Variants in REXO1 observed in about 807,000 individuals in gnomAD.
REXO1 encodes the protein REX1, RNA exonuclease 1 homolog.
A neutral mutation model predicts 102.6 loss-of-function variants in REXO1; 42 were observed. The ratio of observed to expected loss-of-function variants is 0.41; its 90% CI spans 0.32 to 0.53. The LOEUF is 0.53. Ranked by LOEUF, REXO1 falls within the 20% of genes least tolerant of loss-of-function variation. The pLI is 0.27. For synonymous variants in REXO1, 908 were observed against 779.1 expected (o/e 1.17, Z -2.76); for missense variants, 1,819 against 1,732.5 (o/e 1.05, Z -0.89).
Position 1,828,504 on chromosome 19 carries a change from G to A in REXO1, c.285C>T (p.Ile95=), listed in dbSNP as rs139018051. ...GCTCCACCTCACTGCGCACGGCCTC[G>A]ATGGCCTGGTTGACCAGCTCCAACT... ...VLELELVNQA[I]EAVRSEVELE... is the part of the protein sequence containing the mutation. The change falls in exon 2 of 16, where the codon ATC becomes ATT. Residue 95 remains isoleucine (I), a synonymous_variant. Transcript: ENST00000170168. 44 of 1,604,870 alleles carry A rather than the reference G, an allele frequency of 2.7e-5. No individual in the cohort carries two copies. The highest frequency in any genetic ancestry group is 2.0e-4 in the African/African-American group (15 of 74,914).
chr19:1,848,134 G>C, intron 1 of REXO1, 68 bp downstream of exon 1: 1 of 777,124 alleles, frequency 1.3e-6, no homozygotes, highest in Non-Finnish European at 1.7e-6. Flanking sequence ...ACCCCGGGCG[G>C]GACCGGGGTG....
At chr19:1,831,854 AAAAAAAAAAAAAAGAAAG>A (rs1437039333) in intron 1 of REXO1, among the ~76,000 whole-genome samples, 24 of 97,182 alleles carry the variant, frequency 2.5e-4, no homozygotes, top group Non-Finnish European at 4.8e-4. Flanking sequence ...TCAAAAAAAA[AAAAAAAAAAAAAAGAAAG>A]AAAAAGAAAA....
At position 1,827,652 on chromosome 19, in the gene REXO1, T is replaced by A. The variant is rs772749928; in HGVS notation, c.1137A>T (p.Lys379Asn). ...GCPKEGKPKKKKTGAPPAPSC... is the reference protein window; with the variant it reads ...GCPKEGKPKKNKTGAPPAPSC... Reference sequence around the variant, plus strand: ...TGGGGGCAGGTGGGGCCCCGGTTTTTTTCTTCTTGGGTTTTCCCTCCTTGG... The same window carrying A: ...TGGGGGCAGGTGGGGCCCCGGTTTTATTCTTCTTGGGTTTTCCCTCCTTGG... The change falls in exon 2 of 16, where the codon AAA becomes AAT. Residue 379 changes from lysine to asparagine, a missense_variant. Physicochemically the swap from Lys to Asn is moderately conservative, Grantham distance 94 (BLOSUM62 0). Coordinates refer to ENST00000170168, the MANE Select transcript of REXO1 (RefSeq NM_020695.4). The A allele has an allele frequency of 1.3e-6, 2 of 1,569,168 alleles. No homozygotes were observed. Among genetic ancestry groups the A allele is most frequent in the Admixed American group, 4.2e-5 (2 of 47,240 alleles).
Position 1,816,216 on chromosome 19 carries a change from G to A in REXO1, c.3577+9C>T, listed in dbSNP as rs369050526. On this transcript the variant is annotated intron_variant, in intron 15 of 15. Transcript: ENST00000170168. ...CAGGGACGGCCCCAGGGCAGGCACCGGCACTCACCATTGTCCTGGATGATC... is the reference window on the plus strand; with the variant it reads ...CAGGGACGGCCCCAGGGCAGGCACCAGCACTCACCATTGTCCTGGATGATC... 84 of 1,577,930 alleles carry A rather than the reference G, an allele frequency of 5.3e-5. No homozygotes were observed. Among genetic ancestry groups the A allele is most frequent in the Non-Finnish European group, 6.7e-5 (78 of 1,161,576 alleles).
In REXO1 at chr19:1,821,636, G is replaced by C. The variant is rs1175164453; in HGVS notation, c.2277C>G (p.Ser759=). ...GGCCACCTGGCTCAGGGCCGTTGGA[G>C]GACTGGCTGCCGCTGGCCGCAAGGG... ...KRTLAASGSQ[S]SNGPEPGGQQ... The change falls in exon 5 of 16, where the codon TCC becomes TCG. Residue 759 remains serine (S), a synonymous_variant. Transcript: ENST00000170168. The C allele has an allele frequency of 6.2e-7, 1 of 1,613,466 alleles. No individual in the cohort carries two copies.
intron 2 of REXO1, 55 bp from the exon 3 acceptor site, chr19:1,825,998 A>C: frequency 7.6e-7 from 1 of 1,319,050 alleles, no homozygotes; most frequent in Non-Finnish European, 1.1e-6. Context: ...CAACACCAAC[A>C]CACCCCAACC....
At chr19:1,832,334 C>T (rs1006024862) in intron 1 of REXO1, among the ~76,000 whole-genome samples, 2 of 152,226 alleles carry the variant, frequency 1.3e-5, no homozygotes, top group Admixed American at 1.3e-4. Flanking sequence ...AGAGAGTGTG[C>T]TGCTTTAAGG....
chr19:1,846,988 G>A (rs2011570630), intron 1 of REXO1, among the ~76,000 whole-genome samples: 1 of 152,050 alleles, frequency 6.6e-6, no homozygotes, highest in Non-Finnish European at 1.5e-5. Flanking sequence ...CCCAGCCCCC[G>A]CCAAAGCCGG....
In REXO1 at chr19:1,818,615, T is replaced by G; in HGVS notation, c.2903-20A>C. The G allele has an allele frequency of 6.2e-7, 1 of 1,607,876 alleles. No individual in the cohort carries two copies. Among genetic ancestry groups the G allele is most frequent in the Non-Finnish European group, 8.5e-7 (1 of 1,178,034 alleles). On this transcript the variant is annotated intron_variant, in intron 9 of 15. Coordinates refer to ENST00000170168, the MANE Select transcript of REXO1 (RefSeq NM_020695.4). The stretch of plus-strand genomic sequence containing the variant: ...AGGAAGCTGTGGGTGGGGACCCAGG[T>G]GGAAGCTGAGGCTCACGCTGGGGCC...
At chr19:1,817,905 C>T in intron 10 of REXO1, 125 bp from the exon 11 acceptor site, 2 of 724,628 alleles carry the variant, frequency 2.8e-6, no homozygotes, top group Non-Finnish European at 2.3e-6. Flanking sequence ...AGGCCTCAGC[C>T]TCTTGGTGGA....
At chr19:1,818,942 A>G in intron 8 of REXO1, 76 bp downstream of exon 8, 2 of 1,569,322 alleles carry the variant, frequency 1.3e-6, no homozygotes. Flanking sequence ...CCCACGAAGC[A>G]CCGTGTGGCA....
chr19:1,848,100 G>T (rs573935357), intron 1 of REXO1, 102 bp downstream of exon 1: 1 of 538,624 alleles, frequency 1.9e-6, no homozygotes, highest in Non-Finnish European at 2.8e-6. Context: ...AACGTGTGGG[G>T]AGGAGGCTGG....
chr19:1,817,607 T>TGA (rs1328559277), intron 11 of REXO1, 100 bp downstream of exon 11: 5 of 1,454,546 alleles, frequency 3.4e-6, no homozygotes, highest in African/African-American at 2.8e-5. Flanking sequence ...GCCCAGACCC[T>TGA]GAGCCCAGGA....
At chr19:1,833,004 C>T (rs2069947359) in intron 1 of REXO1, among the ~76,000 whole-genome samples, 1 of 151,488 alleles carries the variant, frequency 6.6e-6, no homozygotes, top group African/African-American at 2.4e-5. Flanking sequence ...CCAAGATGAG[C>T]AGACTGCTTG....
intron 1 of REXO1, among the ~76,000 whole-genome samples, chr19:1,831,845 C>CAAAAAAA (rs745676775): frequency 3.9e-5 from 2 of 51,312 alleles, no homozygotes; most frequent in Non-Finnish European, 8.2e-5. Context: ...AACTCCATCT[C>CAAAAAAA]AAAAAAAAAA....
rs769858504 is a variant in REXO1, at chr19:1,818,467, C to T, written c.3016+15G>A. On this transcript the variant is annotated intron_variant, in intron 10 of 15. Transcript: ENST00000170168. ...GCCATGGGTGGGAAGGGGAAGGACC[C>T]GGGTAAGGCCTTACCCCGGTTCCGG... 6.4e-6 allele frequency: 10 copies of T among 1,564,060 alleles called. No homozygotes were observed. Among genetic ancestry groups the T allele is most frequent in the Admixed American group, 1.8e-5 (1 of 54,998 alleles).
chr19:1,836,555 G>A (rs1164184511), intron 1 of REXO1, among the ~76,000 whole-genome samples: 2 of 152,020 alleles, frequency 1.3e-5, no homozygotes, highest in Non-Finnish European at 2.9e-5. Context: ...AGACCAGCCT[G>A]GACAATAAGG....
chr19:1,829,720 A>G (rs1237892312), intron 1 of REXO1, among the ~76,000 whole-genome samples: 1 of 152,108 alleles, frequency 6.6e-6, no homozygotes, highest in Non-Finnish European at 1.5e-5. Flanking sequence ...AGGCAGGAGA[A>G]TCGCTTGAAC....
In REXO1 at chr19:1,844,919, G is replaced by A. The variant is rs187018333; in HGVS notation, c.157+3283C>T. On this transcript the variant is annotated intron_variant, in intron 1 of 15. Transcript: ENST00000170168. ...CATCATCTGGGAGCACGTTCCTGCC[G>A]GAGCTGTGAAGCCCTGAGCTGGGGC... 3.2e-4 allele frequency among the ~76,000 whole-genome samples: 48 copies of A among 152,306 alleles called. No homozygotes were observed. The East Asian group carries it at 6.8e-3, about 21-fold the overall frequency.
Sources: gnomAD v4.1 joint callset for allele counts (sites outside exome capture counted in the v4.1 genomes callset) on GRCh38, gnomAD v4.1.1 for gene constraint, MANE v1.5 for transcripts, NCBI Gene and HGNC (gene_info 2026-07-23, HGNC 2026-07-21) for gene names.